PGM5: variants seen among roughly 807,000 people sequenced by gnomAD.
PGM5 encodes phosphoglucomutase-like protein 5.
In PGM5, 23 loss-of-function variants were observed where a neutral mutation model predicts 59.2. That is an observed-to-expected ratio of 0.39 (90% CI 0.28 to 0.55). PGM5 has a LOEUF of 0.55. Ranked by LOEUF, PGM5 falls within the 20% of genes least tolerant of loss-of-function variation. The pLI is 0.66. For synonymous variants in PGM5, 214 were observed against 286.0 expected (o/e 0.75, Z 2.54); for missense variants, 574 against 748.3 (o/e 0.77, Z 2.72).
chr9:68,479,584 A>G (rs781854041), intron 8 of PGM5, 31 bp downstream of exon 8: 1 of 1,605,626 alleles, frequency 6.2e-7, no homozygotes, highest in Non-Finnish European at 8.5e-7. Flanking sequence ...CTCTGTATGG[A>G]CCCTGAAGAA....
At chr9:68,361,973 C>T (rs1368144332) in intron 1 of PGM5, among the ~76,000 whole-genome samples, 8 of 151,810 alleles carry the variant, frequency 5.3e-5, no homozygotes, top group East Asian at 3.9e-4. Flanking sequence ...TAGTCTGTGA[C>T]GTGAACTTTG....
At chr9:68,358,423 T>C (rs1249828534) in intron 1 of PGM5, among the ~76,000 whole-genome samples, 2 of 152,256 alleles carry the variant, frequency 1.3e-5, no homozygotes, top group Admixed American at 6.5e-5. Context: ...CAAGGACATC[T>C]ACAAGAGGGA....
At chr9:68,381,388 G>T (rs1822067863) in intron 2 of PGM5, among the ~76,000 whole-genome samples, 1 of 151,742 alleles carries the variant, frequency 6.6e-6, no homozygotes, top group Non-Finnish European at 1.5e-5. Context: ...CATAATAAAG[G>T]TCGTTTATAA....
intron 6 of PGM5, among the ~76,000 whole-genome samples, chr9:68,419,031 C>T (rs1481039704): frequency 2.0e-5 from 3 of 152,102 alleles, no homozygotes; most frequent in African/African-American, 7.2e-5. Context: ...AAGGTGCGCC[C>T]CTGCCCCAAA....
intron 6 of PGM5, chr9:68,395,747 C>A (rs1438406939): frequency 1.3e-5 from 2 of 151,970 alleles, no homozygotes; most frequent in African/African-American, 4.8e-5. Context: ...GCTGCTGGTG[C>A]TTTTTTGTAA....
rs544576861 is a variant in PGM5, at chr9:68,469,636, G to T, written c.1159+4428G>T. 7.9e-5 allele frequency among the ~76,000 whole-genome samples: 12 copies of T among 152,308 alleles called. No individual in the cohort carries two copies. In the South Asian group the frequency reaches 2.5e-3, roughly 32 times the overall value. ...CTTTCCAGTCTTTTGAGGTTTGCTGGATGCTTCCATGCATGGATTCCATGC... is the reference window on the plus strand; with the variant it reads ...CTTTCCAGTCTTTTGAGGTTTGCTGTATGCTTCCATGCATGGATTCCATGC... On this transcript the variant is annotated intron_variant, in intron 7 of 10. Transcript: ENST00000396396.
chr9:68,357,749 C>G lies in PGM5; in HGVS notation c.261+361C>G, dbSNP rs575029483. On this transcript the variant is annotated intron_variant, in intron 1 of 10. Coordinates refer to ENST00000396396, the MANE Select transcript of PGM5 (RefSeq NM_021965.4). ...CGGCCCTGTAGATTCCAAGGCAGCT[C>G]CCAGTTTTCCATATTGTTCCCAACG... The G allele has an allele frequency of 4.3e-5, 13 of 304,756 alleles. No homozygotes were observed. The East Asian group carries it at 1.0e-3, about 24-fold the overall frequency. The allele number at this position is 304,756 out of a possible 1,614,324, so 18.9% of individuals were successfully genotyped here.
chr9:68,392,519 C>T (rs782229901), intron 6 of PGM5, 46 bp downstream of exon 6: 50 of 1,599,306 alleles, frequency 3.1e-5, no homozygotes, highest in Non-Finnish European at 3.8e-5. Flanking sequence ...AGACCTTTGG[C>T]GTTGATGTCT....
At position 68,393,957 on chromosome 9, in the gene PGM5, G is replaced by A. The variant is rs145115540; in HGVS notation, c.1043+1484G>A. 1.8e-3 allele frequency: 277 copies of A among 152,260 alleles called. 2 individuals are homozygous for A. Among genetic ancestry groups the A allele is most frequent in the African/African-American group, 6.3e-3 (263 of 41,554 alleles). The allele number at this position is 152,260 out of a possible 1,614,324, so 9.4% of individuals were successfully genotyped here. A position where few individuals can be genotyped will look rare whatever the true frequency, so the allele number is the denominator to read the frequency against. ...AAGAAGGAATGAAATACTGACACAT[G>A]CAGTGGGTATGGATGAATAAAAAAA... is the stretch of plus-strand genomic sequence containing the variant. On this transcript the variant is annotated intron_variant, in intron 6 of 10. Coordinates refer to ENST00000396396, the MANE Select transcript of PGM5 (RefSeq NM_021965.4).
At chr9:68,457,305 A>G (rs2132074482) in intron 6 of PGM5, among the ~76,000 whole-genome samples, 1 of 152,308 alleles carries the variant, frequency 6.6e-6, no homozygotes, top group Non-Finnish European at 1.5e-5. Flanking sequence ...CATGGGACAG[A>G]CAGTGAGGTC....
At chr9:68,454,774 C>T (rs1395276300) in intron 6 of PGM5, among the ~76,000 whole-genome samples, 2 of 152,216 alleles carry the variant, frequency 1.3e-5, no homozygotes, top group Non-Finnish European at 2.9e-5. Flanking sequence ...ATTCCACAGG[C>T]AGCGCATGTT....
At position 68,456,228 on chromosome 9, in the gene PGM5, C is replaced by CT. The variant is rs563623264; in HGVS notation, c.1044-8856dup. The stretch of plus-strand genomic sequence containing the variant: ...GTGTACCAACTTATAATCTTGCTGT[C>CT]TTTTTTTTTCTTTTCTGTTTTCCCA... On this transcript the variant is annotated intron_variant, in intron 6 of 10. Transcript: ENST00000396396. 6.0e-5 allele frequency among the ~76,000 whole-genome samples: 9 copies of CT among 148,808 alleles called. No homozygotes were observed. The South Asian group carries it at 1.1e-3, about 18-fold the overall frequency.
chr9:68,491,823 G>A (rs1193024662), intron 9 of PGM5, among the ~76,000 whole-genome samples: 6 of 152,136 alleles, frequency 3.9e-5, no homozygotes, highest in Non-Finnish European at 7.3e-5. Context: ...GCAACACAGC[G>A]AGACCTCATC....
intron 6 of PGM5, among the ~76,000 whole-genome samples, chr9:68,444,786 A>T (rs1587812347): frequency 6.6e-6 from 1 of 152,324 alleles, no homozygotes; most frequent in East Asian, 1.9e-4. Context: ...ATGGTGGGTT[A>T]TTCTACATTT....
intron 6 of PGM5, among the ~76,000 whole-genome samples, chr9:68,407,967 T>C (rs1378994287): frequency 3.5e-4 from 53 of 152,238 alleles, no homozygotes; most frequent in Admixed American, 1.3e-4. Context: ...TTTATCATTA[T>C]TATGGCTGTT....
intron 10 of PGM5, among the ~76,000 whole-genome samples, chr9:68,521,900 T>C (rs1239625147): frequency 1.3e-5 from 2 of 152,158 alleles, no homozygotes; most frequent in African/African-American, 2.4e-5. Flanking sequence ...CGGCCAGTGC[T>C]CTTGCTCTCT....
intron 6 of PGM5, among the ~76,000 whole-genome samples, chr9:68,403,424 G>A (rs1218691995): frequency 6.6e-6 from 1 of 152,056 alleles, no homozygotes; most frequent in Non-Finnish European, 1.5e-5. Flanking sequence ...GAATGTTCTC[G>A]AATCATCCCC....
chr9:68,411,484 G>GTATATATATATATA (rs782186409), intron 6 of PGM5, among the ~76,000 whole-genome samples: 10 of 105,972 alleles, frequency 9.4e-5, no homozygotes, highest in Non-Finnish European at 2.2e-4. Context: ...GTGTGTGTGT[G>GTATATATATATATA]TGTGTATATA....
At chr9:68,364,239 A>C (rs1834636482) in intron 1 of PGM5, among the ~76,000 whole-genome samples, 1 of 151,810 alleles carries the variant, frequency 6.6e-6, no homozygotes, top group Non-Finnish European at 1.5e-5. Flanking sequence ...TGTCCTCCAG[A>C]TAGATGTTTG....
Sources: gnomAD v4.1 joint callset for allele counts (sites outside exome capture counted in the v4.1 genomes callset) on GRCh38, gnomAD v4.1.1 for gene constraint, MANE v1.5 for transcripts, NCBI Gene and HGNC (gene_info 2026-07-23, HGNC 2026-07-21) for gene names.